The following POLA1 variants were observed in gnomAD, a reference collection of about 807,000 sequenced individuals.
POLA1 encodes the protein DNA polymerase alpha catalytic subunit.
Under a neutral mutation model 124.0 loss-of-function variants are expected in POLA1, and 15 were observed. The ratio of observed to expected loss-of-function variants is 0.12; its 90% CI spans 0.08 to 0.19. The LOEUF is 0.19. Ranked by LOEUF, POLA1 falls within the 10% of genes least tolerant of loss-of-function variation. The pLI is 1.00. For missense variants in POLA1, 886 were observed against 1,103.4 expected, an observed-to-expected ratio of 0.80 and a Z score of 2.79; for synonymous variants, 408 against 389.4, an observed-to-expected ratio of 1.05 and a Z score of -0.56.
chrX:24,851,581 G>A (rs2046562325), intron 34 of POLA1, among the ~76,000 whole-genome samples: 1 of 113,340 alleles, frequency 8.8e-6, no homozygotes, highest in Non-Finnish European at 1.9e-5. Context: ...CCATTGAAAG[G>A]AAGCACGTGT....
At position 24,931,184 on chromosome X, in the gene POLA1, T is replaced by G. The variant is rs11573487; in HGVS notation, c.4261+635T>G. 2.0e-3 allele frequency among the ~76,000 whole-genome samples: 220 copies of G among 111,583 alleles called. 2 individuals carry two copies. The highest frequency in any genetic ancestry group is 6.8e-3 in the African/African-American group (209 of 30,716). ...ATGTCATGACAACTGCATGTTTGTTTTTTTTTTCTCCTACCTGAAAATCAC... is the reference window on the plus strand; with the variant it reads ...ATGTCATGACAACTGCATGTTTGTTGTTTTTTTCTCCTACCTGAAAATCAC... On this transcript the variant is annotated intron_variant, in intron 36 of 36. Transcript: ENST00000379068.
At chrX:24,748,803 A>G in intron 25 of POLA1, 67 bp from the exon 26 acceptor site, 1 of 1,086,154 alleles carries the variant, frequency 9.2e-7, no homozygotes, top group African/African-American at 1.8e-5. Flanking sequence ...ATCTAGAAAG[A>G]CATCTAATGT....
At chrX:24,899,367 C>CA (rs911347383) in intron 35 of POLA1, among the ~76,000 whole-genome samples, 2 of 111,427 alleles carry the variant, frequency 1.8e-5, no homozygotes, top group Non-Finnish European at 3.8e-5. Flanking sequence ...TCAACAACCC[C>CA]AAAAAAATTG....
chrX:24,857,355 T>A (rs952918994), intron 34 of POLA1, among the ~76,000 whole-genome samples: 21 of 112,158 alleles, frequency 1.9e-4, no homozygotes, highest in Admixed American at 1.4e-3. Flanking sequence ...ATAGTGCAAT[T>A]CTTCCATTTT....
intron 10 of POLA1, among the ~76,000 whole-genome samples, chrX:24,719,951 A>G (rs1042325685): frequency 2.7e-5 from 3 of 110,272 alleles, no homozygotes; most frequent in African/African-American, 9.9e-5. Context: ...CATCACTGCT[A>G]GAGGGACTGA....
chrX:24,891,791 T>C (rs1032717538), intron 35 of POLA1, among the ~76,000 whole-genome samples: 1 of 111,951 alleles, frequency 8.9e-6, no homozygotes, highest in African/African-American at 3.2e-5. Context: ...TTACACAGAT[T>C]ATATAAAATT....
intron 36 of POLA1, among the ~76,000 whole-genome samples, chrX:24,946,130 G>A (rs975127554): frequency 9.0e-6 from 1 of 111,310 alleles, no homozygotes; most frequent in African/African-American, 3.3e-5. Context: ...GAGATATTAA[G>A]GTGGAGGCTA....
chrX:24,726,670 A>C (rs979936998), intron 13 of POLA1, among the ~76,000 whole-genome samples: 1 of 111,907 alleles, frequency 8.9e-6, no homozygotes, highest in African/African-American at 3.2e-5. Context: ...TCTGGACAGA[A>C]ATTTTCTTTT....
At position 24,716,421 on chromosome X, in the gene POLA1, T is replaced by C. The variant is rs746581885; in HGVS notation, c.585T>C (p.Ala195=). 1 of 1,174,167 alleles carries C rather than the reference T, an allele frequency of 8.5e-7. No individual in the cohort carries two copies. The highest frequency in any genetic ancestry group is 1.2e-6 in the Non-Finnish European group (1 of 861,070). Residue 195 remains alanine, a synonymous_variant, in exon 7 of 37, where the codon GCT becomes GCC. Coordinates refer to ENST00000379068, the MANE Select transcript of POLA1 (RefSeq NM_001330360.2). ...MILKKKRSIG[A]SPNPFSVHTA... ...TGAAGAAGAAAAGATCCATTGGAGC[T>C]TCACCGAATCCTTTCTCTGTGCACA... is the stretch of plus-strand genomic sequence containing the variant.
chrX:24,965,661 G>A (rs2048213174), intron 36 of POLA1, among the ~76,000 whole-genome samples: 1 of 112,107 alleles, frequency 8.9e-6, no homozygotes, highest in South Asian at 3.7e-4. Context: ...GGCTGAGCTC[G>A]TAAAAGTTCA....
chrX:24,785,299 A>C (rs2045340995), intron 26 of POLA1, among the ~76,000 whole-genome samples: 1 of 111,976 alleles, frequency 8.9e-6, no homozygotes, highest in Non-Finnish European at 1.9e-5. Context: ...AACTGGGACA[A>C]AACATCCAGA....
chrX:24,955,262 C>G (rs748583381), intron 36 of POLA1, among the ~76,000 whole-genome samples: 37 of 108,778 alleles, frequency 3.4e-4, no homozygotes, highest in African/African-American at 1.2e-3. Flanking sequence ...CTCCTGGGCT[C>G]TAGCAGTCTT....
chrX:24,971,936 T>G (rs867507330), intron 36 of POLA1, among the ~76,000 whole-genome samples: 1 of 81,612 alleles, frequency 1.2e-5, no homozygotes, highest in African/African-American at 5.9e-5. Flanking sequence ...TGGAAGATTT[T>G]ATTTTATTTT....
At chrX:24,925,202 C>T (rs1176975520) in intron 35 of POLA1, among the ~76,000 whole-genome samples, 1 of 111,600 alleles carries the variant, frequency 9.0e-6, no homozygotes, top group Non-Finnish European at 1.9e-5. Flanking sequence ...TTTGGGGGTA[C>T]GTTTTGGGTT....
chrX:24,799,804 G>A (rs1327546058), intron 26 of POLA1, among the ~76,000 whole-genome samples: 1 of 111,789 alleles, frequency 8.9e-6, no homozygotes, highest in African/African-American at 3.3e-5. Context: ...AAATCATTTA[G>A]CCATTAACCT....
At chrX:24,832,841 TTATTAA>T (rs1463168891) in intron 32 of POLA1, among the ~76,000 whole-genome samples, 1 of 112,385 alleles carries the variant, frequency 8.9e-6, no homozygotes, top group Non-Finnish European at 1.9e-5. Flanking sequence ...TGTTATTTTA[TTATTAA>T]TAAGACAGTT....
chrX:24,951,073 G>A (rs1443282365), intron 36 of POLA1, among the ~76,000 whole-genome samples: 2 of 111,139 alleles, frequency 1.8e-5, no homozygotes, highest in Non-Finnish European at 3.8e-5. Flanking sequence ...ATCTACATTT[G>A]GTCAGCTTAT....
chrX:24,789,231 C>T (rs1278633955), intron 26 of POLA1, among the ~76,000 whole-genome samples: 1 of 111,638 alleles, frequency 9.0e-6, no homozygotes, highest in African/African-American at 3.3e-5. Context: ...TTGCAGATGA[C>T]ATCATCTTAT....
Position 24,826,490 on chromosome X carries a change from A to C in POLA1, c.3625A>C (p.Asn1209His). 1 of 1,205,929 alleles carries C rather than the reference A, an allele frequency of 8.3e-7. No homozygotes were observed. Among genetic ancestry groups the C allele is most frequent in the Non-Finnish European group, 1.1e-6 (1 of 890,892 alleles). Residue 1209 changes from asparagine (N) to histidine (H), a missense_variant, in exon 32 of 37, where the codon AAT becomes CAT. By Grantham distance (68) the Asn-to-His change is moderately conservative. Around this residue, in one of 7 missense-constraint regions of POLA1, gnomAD observed 313 missense variants for 359.7 expected, o/e 0.87. Coordinates refer to ENST00000379068, the MANE Select transcript of POLA1 (RefSeq NM_001330360.2). ...GCCTGAGCAGCTGCAGAAACAGGAT[A>C]ATCTAACCATTGACACCCAGTACTA... ...YAPEQLQKQDNLTIDTQYYLA... is the reference protein window; with the variant it reads ...YAPEQLQKQDHLTIDTQYYLA...
Sources: gnomAD v4.1 joint callset for allele counts (sites outside exome capture counted in the v4.1 genomes callset) on GRCh38, gnomAD v4.1.1 for gene constraint, gnomAD v4.1.1 regional missense constraint, MANE v1.5 for transcripts, NCBI Gene and HGNC (gene_info 2026-07-23, HGNC 2026-07-21) for gene names.